Variants in GLIS3 observed in about 807,000 individuals in gnomAD.
GLIS3 encodes zinc finger protein GLIS3.
A neutral mutation model predicts 78.6 loss-of-function variants in GLIS3; 53 were observed. That is an observed-to-expected ratio of 0.67 (90% CI 0.54 to 0.85). The LOEUF is 0.85. GLIS3 is among the 40% of genes least tolerant of loss of function. GLIS3 has a pLI of 0.00. For missense variants in GLIS3, 1,703 were observed against 1,231.1 expected, an observed-to-expected ratio of 1.38 and a Z score of -5.74; for synonymous variants, 684 against 509.9, an observed-to-expected ratio of 1.34 and a Z score of -4.60.
chr9:4,221,925 G>C (rs1312721402), intron 2 of GLIS3, among the ~76,000 whole-genome samples: 1 of 152,196 alleles, frequency 6.6e-6, no homozygotes, highest in Non-Finnish European at 1.5e-5. Context: ...ACTTATTTAA[G>C]AGTCTGGGCT....
At chr9:4,198,257 T>C (rs1819047277) in intron 2 of GLIS3, among the ~76,000 whole-genome samples, 2 of 152,028 alleles carry the variant, frequency 1.3e-5, no homozygotes, top group African/African-American at 4.8e-5. Context: ...CAAAGAAACT[T>C]TGTAAGGCAA....
intron 7 of GLIS3, among the ~76,000 whole-genome samples, chr9:3,888,550 GAAGT>G (rs1822226891): frequency 6.6e-6 from 1 of 152,222 alleles, no homozygotes; most frequent in Non-Finnish European, 1.5e-5. Flanking sequence ...TGTGTAAAAT[GAAGT>G]AACAACAGCC....
At chr9:4,369,311 C>G in the GLIS3 span, among the ~76,000 whole-genome samples, 1 of 152,126 alleles carries the variant, frequency 6.6e-6, no homozygotes, top group Admixed American at 6.5e-5. Context: ...TATGAGCATC[C>G]ACTTTGCTCT....
At chr9:3,917,341 C>A (rs1824581381) in intron 6 of GLIS3, among the ~76,000 whole-genome samples, 1 of 152,198 alleles carries the variant, frequency 6.6e-6, no homozygotes, top group Non-Finnish European at 1.5e-5. Flanking sequence ...GTGCACTCAG[C>A]TGAGGCCAAG....
intron 6 of GLIS3, among the ~76,000 whole-genome samples, chr9:3,910,456 C>A (rs956137825): frequency 1.3e-5 from 2 of 152,162 alleles, no homozygotes; most frequent in African/African-American, 2.4e-5. Flanking sequence ...TTTGAGCAAT[C>A]CTCTTGCTTC....
the GLIS3 span, among the ~76,000 whole-genome samples, chr9:4,480,200 CTT>C: frequency 1.7e-4 from 16 of 93,884 alleles, no homozygotes; most frequent in South Asian, 6.9e-4. Flanking sequence ...GCTGGGCTTT[CTT>C]TTTTTTTTTT....
chr9:4,043,657 TTCTCTACAAG>T (rs1276024365), intron 4 of GLIS3, among the ~76,000 whole-genome samples: 1 of 152,188 alleles, frequency 6.6e-6, no homozygotes, highest in Non-Finnish European at 1.5e-5. Context: ...GAAAACCTTC[TTCTCTACAAG>T]TCCCAACAGC....
intron 4 of GLIS3, among the ~76,000 whole-genome samples, chr9:4,093,096 C>A (rs980291743): frequency 2.0e-5 from 3 of 152,084 alleles, no homozygotes; most frequent in Non-Finnish European, 4.4e-5. Context: ...GTGGCACATG[C>A]CTGCATGTAT....
chr9:3,976,633 A>T (rs1818808852), intron 4 of GLIS3, among the ~76,000 whole-genome samples: 1 of 151,452 alleles, frequency 6.6e-6, no homozygotes. Flanking sequence ...AGAACATCTC[A>T]ATCAGGCCCA....
At chr9:3,885,309 T>C (rs1192912321) in intron 7 of GLIS3, among the ~76,000 whole-genome samples, 2 of 152,198 alleles carry the variant, frequency 1.3e-5, no homozygotes, top group South Asian at 2.1e-4. Context: ...AGGCCACCAG[T>C]TGTCAATAAT....
At chr9:4,234,988 C>T (rs1822582045) in intron 2 of GLIS3, among the ~76,000 whole-genome samples, 1 of 152,128 alleles carries the variant, frequency 6.6e-6, no homozygotes, top group Non-Finnish European at 1.5e-5. Context: ...AGCTGCACCT[C>T]ACTGGACTTA....
the GLIS3 span, among the ~76,000 whole-genome samples, chr9:4,433,311 A>G: frequency 6.6e-6 from 1 of 152,168 alleles, no homozygotes; most frequent in African/African-American, 2.4e-5. Context: ...ACACACCTGT[A>G]GTCCCAGCTA....
chr9:4,148,797 A>T (rs192414709), intron 2 of GLIS3, among the ~76,000 whole-genome samples: 31 of 152,234 alleles, frequency 2.0e-4, no homozygotes, highest in Middle Eastern at 3.4e-3. Flanking sequence ...AATAAAATAA[A>T]CAGAGAAATT....
chr9:4,033,864 T>TTA lies in GLIS3; in HGVS notation c.1710+83903_1710+83904insTA, dbSNP rs1177753674. Among the ~76,000 whole-genome samples, 27 of 67,980 alleles carry TTA rather than the reference T, an allele frequency of 4.0e-4. 1 individual carries two copies. Among genetic ancestry groups the TTA allele is most frequent in the East Asian group, 1.1e-3 (2 of 1,746 alleles). The allele number at this position is 67,980 out of a possible 152,430, so 44.6% of individuals were successfully genotyped here. A position where few individuals can be genotyped will look rare whatever the true frequency, so the allele number is the denominator to read the frequency against. ...TGCCCCCAAAAACATAGGCGAAGGA[T>TTA]AAAAAAAAAAAAAAAAAAAAAAAAA... On this transcript the variant is annotated intron_variant, in intron 4 of 10. Coordinates refer to ENST00000381971, the MANE Select transcript of GLIS3 (RefSeq NM_001042413.2).
At chr9:4,199,153 A>C (rs1414042022) in intron 2 of GLIS3, among the ~76,000 whole-genome samples, 1 of 152,172 alleles carries the variant, frequency 6.6e-6, no homozygotes, top group Admixed American at 6.5e-5. Flanking sequence ...CAATCACCCA[A>C]TAGAAACTAC....
chr9:4,351,430 A>C (rs770934938), upstream of GLIS3, among the ~76,000 whole-genome samples: 17 of 151,994 alleles, frequency 1.1e-4, no homozygotes, highest in Middle Eastern at 0.01. Context: ...GGTGAGGAGA[A>C]ATCTTTTACA....
intron 2 of GLIS3, among the ~76,000 whole-genome samples, chr9:4,219,461 G>A (rs1462476888): frequency 6.6e-6 from 1 of 152,178 alleles, no homozygotes; most frequent in Non-Finnish European, 1.5e-5. Flanking sequence ...AAATGTCACT[G>A]TTTCCTATGC....
chr9:4,450,735 A>C, the GLIS3 span, among the ~76,000 whole-genome samples: 4 of 152,222 alleles, frequency 2.6e-5, no homozygotes, highest in African/African-American at 9.6e-5. Context: ...AGAATTTCAT[A>C]TCCAGCCAAA....
At chr9:4,162,541 T>A (rs1368366824) in intron 2 of GLIS3, among the ~76,000 whole-genome samples, 1 of 152,198 alleles carries the variant, frequency 6.6e-6, no homozygotes, top group African/African-American at 2.4e-5. Context: ...CTTGACCGTT[T>A]CAGAATGGAA....
Sources: allele counts gnomAD v4.1 joint callset (sites outside exome capture counted in the v4.1 genomes callset), GRCh38; gene constraint gnomAD v4.1.1; transcripts MANE v1.5; gene names NCBI Gene and HGNC (gene_info 2026-07-23, HGNC 2026-07-21).